The following PLEKHH1 variants were observed in gnomAD, a reference collection of about 807,000 sequenced individuals.
PLEKHH1 encodes the protein pleckstrin homology domain-containing family H member 1.
PLEKHH1 carries 104 observed loss-of-function variants against 160.0 expected under a neutral mutation model. The ratio of observed to expected loss-of-function variants is 0.65; its 90% confidence interval spans 0.55 to 0.76. The LOEUF (loss-of-function observed/expected upper bound fraction) is 0.76, where lower values mean the gene tolerates loss of function less well. PLEKHH1 is among the 30% of genes least tolerant of loss of function. PLEKHH1 has a pLI of 0.00. For synonymous variants in PLEKHH1, 619 were observed against 678.4 expected, an observed-to-expected ratio of 0.91 and a Z score of 1.36; for missense variants, 1,427 against 1,724.1, an observed-to-expected ratio of 0.83 and a Z score of 3.05.
chr14:67,582,329 T>G lies in PLEKHH1; in HGVS notation c.3426+119T>G. The G allele has an allele frequency of 1.3e-6, 2 of 1,539,108 alleles. No individual in the cohort carries two copies. Among genetic ancestry groups the G allele is most frequent in the Non-Finnish European group, 1.8e-6 (2 of 1,135,642 alleles). On this transcript the variant is annotated intron_variant, in intron 24 of 28. Transcript: ENST00000329153. The surrounding 1 kb of genome is among the most constrained non-coding windows in gnomAD (Gnocchi z 5.0). ...TGTGGTGCTCAGGAGAGGGCAGCTT[T>G]GCCATCTCTGGGATGGAAAGCAGCT...
At chr14:67,572,114 G>A in intron 10 of PLEKHH1, 21 bp from the exon 11 acceptor site, 1 of 1,599,800 alleles carries the variant, frequency 6.3e-7, no homozygotes, top group Non-Finnish European at 8.5e-7. Context: ...CCCGGGCCTT[G>A]ACTCCTCCTC....
intron 4 of PLEKHH1, among the ~76,000 whole-genome samples, chr14:67,559,275 C>G (rs942314342): frequency 3.9e-5 from 6 of 152,128 alleles, no homozygotes; most frequent in African/African-American, 7.2e-5. Context: ...TATAAAATGA[C>G]AAGTCACCTC....
chr14:67,559,736 G>A lies in PLEKHH1; in HGVS notation c.423+45G>A, dbSNP rs1370224955. The A allele has an allele frequency of 4.5e-6, 6 of 1,335,368 alleles. No individual in the cohort carries two copies. In the African/African-American group the frequency reaches 5.8e-5, roughly 13 times the overall value. The allele number at this position is 1,335,368 out of a possible 1,614,324, so 82.7% of individuals were successfully genotyped here. On this transcript the variant is annotated intron_variant, in intron 5 of 28. Coordinates refer to ENST00000329153, the MANE Select transcript of PLEKHH1 (RefSeq NM_020715.3). Reference sequence around the variant, plus strand: ...TGGAGGCCTGCCAGAGGCATGGCTGGGCCTGCCCTGACCCCCGGAGTTTCC... The same window carrying A: ...TGGAGGCCTGCCAGAGGCATGGCTGAGCCTGCCCTGACCCCCGGAGTTTCC...
rs751914598 is a variant in PLEKHH1 at position 67,587,335 on chromosome 14, G to A, written c.*100G>A. 65 of 1,300,022 alleles carry A rather than the reference G, an allele frequency of 5.0e-5. No individual in the cohort carries two copies. Among genetic ancestry groups the A allele is most frequent in the South Asian group, 3.5e-4 (29 of 84,000 alleles). 80.5% of individuals were successfully genotyped at this position (1,300,022 alleles called of 1,614,324 possible). A position where few individuals can be genotyped will look rare whatever the true frequency, so the allele number is the denominator to read the frequency against. ...TACTGTGACGGGTCTAACAGCCCCC[G>A]GCTACTCTTGTTCTGTGAAATGTGT... On this transcript the variant is annotated 3_prime_UTR_variant, in exon 29 of 29. Transcript: ENST00000329153.
intron 2 of PLEKHH1, among the ~76,000 whole-genome samples, chr14:67,548,889 A>T (rs907773870): frequency 6.6e-6 from 1 of 152,136 alleles, no homozygotes; most frequent in African/African-American, 2.4e-5. Flanking sequence ...ACCTACCAAA[A>T]ATTTGTAGTT....
intron 2 of PLEKHH1, among the ~76,000 whole-genome samples, chr14:67,543,934 G>C (rs1043538119): frequency 1.3e-5 from 2 of 152,150 alleles, no homozygotes; most frequent in African/African-American, 4.8e-5. Flanking sequence ...AACTCTGACA[G>C]CTGATTGAGG....
chr14:67,572,366 C>T, intron 11 of PLEKHH1, 89 bp downstream of exon 11: 2 of 1,173,080 alleles, frequency 1.7e-6, no homozygotes, highest in Admixed American at 2.5e-5. Context: ...GCAGTAGCTG[C>T]CTGAAGTGAG....
At position 67,574,167 on chromosome 14, in the gene PLEKHH1, G is replaced by T. The variant is rs2035514551; in HGVS notation, c.1927-75G>T. ...CAGCCCCTTGGGTTCAGGGACAGGTGCCACCTCGGAGCCAGGTCCTGGTTA... is the reference window on the plus strand; with the variant it reads ...CAGCCCCTTGGGTTCAGGGACAGGTTCCACCTCGGAGCCAGGTCCTGGTTA... On this transcript the variant is annotated intron_variant, in intron 13 of 28. Coordinates refer to ENST00000329153, the MANE Select transcript of PLEKHH1 (RefSeq NM_020715.3). The surrounding 1 kb of genome is among the most constrained non-coding windows in gnomAD (Gnocchi z 4.2). 3 of 1,362,500 alleles carry T rather than the reference G, an allele frequency of 2.2e-6. No individual in the cohort carries two copies. The African/African-American group carries it at 4.4e-5, about 20-fold the overall frequency. 84.4% of individuals were successfully genotyped at this position (1,362,500 alleles called of 1,614,324 possible). A position where few individuals can be genotyped will look rare whatever the true frequency, so the allele number is the denominator to read the frequency against.
At chr14:67,559,112 T>G (rs2034714995) in intron 4 of PLEKHH1, among the ~76,000 whole-genome samples, 1 of 152,202 alleles carries the variant, frequency 6.6e-6, no homozygotes. Context: ...GCCAGGCTGC[T>G]CCTCTTCAGA....
intron 2 of PLEKHH1, among the ~76,000 whole-genome samples, chr14:67,543,336 A>G (rs1049728276): frequency 1.3e-5 from 2 of 152,162 alleles, no homozygotes; most frequent in African/African-American, 4.8e-5. Context: ...GAACTCTTGA[A>G]CCTTGGGTCT....
At chr14:67,564,027 A>G (rs1327984359) in intron 7 of PLEKHH1, among the ~76,000 whole-genome samples, 1 of 151,432 alleles carries the variant, frequency 6.6e-6, no homozygotes, top group Non-Finnish European at 1.5e-5. Context: ...TCAGCCTCCC[A>G]AGTAGCTGGG....
In PLEKHH1 at chr14:67,571,834, G is replaced by A. The variant is rs201583089; in HGVS notation, c.1517G>A (p.Arg506Gln). 3.7e-6 allele frequency: 6 copies of A among 1,613,766 alleles called. No homozygotes were observed. The East Asian group carries it at 8.9e-5, about 24-fold the overall frequency. Residue 506 changes from arginine (R) to glutamine (Q), a missense_variant, in exon 10 of 29, where the codon CGA becomes CAA. By Grantham distance (43) the Arg-to-Gln change is conservative. Coordinates refer to ENST00000329153, the MANE Select transcript of PLEKHH1 (RefSeq NM_020715.3). ...GACTGCAGCTCTCAGGCGAGTTTCC[G>A]AATCTCGGTCCCCTCCTCTGAGTCC... The part of the protein sequence containing the change: ...DDDCSSQASF[R>Q]ISVPSSESRK...
At position 67,557,251 on chromosome 14, in the gene PLEKHH1, G is replaced by C. The variant is rs2034632668; in HGVS notation, c.190-18G>C. The C allele has an allele frequency of 6.2e-7, 1 of 1,609,818 alleles. No individual in the cohort carries two copies. The highest frequency in any genetic ancestry group is 2.2e-5 in the East Asian group (1 of 44,854). On this transcript the variant is annotated intron_variant, in intron 3 of 28. Coordinates refer to ENST00000329153, the MANE Select transcript of PLEKHH1 (RefSeq NM_020715.3). ...TGTGAGTGATGGGAAGACACTATGA[G>C]ATCATTGTACTTTTCAGGTGGGTGT... is the stretch of plus-strand genomic sequence containing the variant.
rs935458674 is a variant in PLEKHH1, at chr14:67,576,226, T to C, written c.2353-169T>C. Among the ~76,000 whole-genome samples, 2 of 152,242 alleles carry C rather than the reference T, an allele frequency of 1.3e-5. No individual in the cohort carries two copies. The highest frequency in any genetic ancestry group is 4.8e-5 in the African/African-American group (2 of 41,466). ...GTAATAGAATCGCAAATTTGGAAAG[T>C]TGGGTTCATGTTCACCTGATCCTCA... is the stretch of plus-strand genomic sequence containing the variant. On this transcript the variant is annotated intron_variant, in intron 16 of 28. Transcript: ENST00000329153. The surrounding 1 kb of genome is among the most constrained non-coding windows in gnomAD (Gnocchi z 4.0).
intron 2 of PLEKHH1, among the ~76,000 whole-genome samples, chr14:67,542,632 G>A (rs2034015989): frequency 6.6e-6 from 1 of 152,160 alleles, no homozygotes; most frequent in Non-Finnish European, 1.5e-5. Flanking sequence ...GCTGGTCTGG[G>A]AAACTGACCA....
chr14:67,581,554 C>A, intron 23 of PLEKHH1: 1 of 166,068 alleles, frequency 6.0e-6, no homozygotes, highest in Admixed American at 5.6e-5. Context: ...GAAAATAGAC[C>A]AACCTCATGG....
At chr14:67,549,514 G>A (rs780026547) in intron 2 of PLEKHH1, among the ~76,000 whole-genome samples, 5 of 152,022 alleles carry the variant, frequency 3.3e-5, no homozygotes, top group East Asian at 1.9e-4. Flanking sequence ...CAAGTGATCC[G>A]CCTGCCTCGG....
Position 67,576,336 on chromosome 14 carries a change from G to A in PLEKHH1, c.2353-59G>A. On this transcript the variant is annotated intron_variant, in intron 16 of 28. Transcript: ENST00000329153. This position sits in a 1 kb window ranked among gnomAD's most constrained non-coding sequence, Gnocchi z 4.0. Reference sequence around the variant, plus strand: ...GTCCCTTCAAGGAGTCCTCCTTGGAGCTCTTGCCTCCACTCTTCCCACCCC... The same window carrying A: ...GTCCCTTCAAGGAGTCCTCCTTGGAACTCTTGCCTCCACTCTTCCCACCCC... The A allele has an allele frequency of 1.0e-6, 1 of 967,280 alleles. No individual in the cohort carries two copies. Among genetic ancestry groups the A allele is most frequent in the South Asian group, 1.5e-5 (1 of 67,474 alleles). 59.9% of individuals were successfully genotyped at this position (967,280 alleles called of 1,614,324 possible).
rs1347964118 is a variant in PLEKHH1 at position 67,576,506 on chromosome 14, A to G, written c.2461+3A>G. The G allele has an allele frequency of 1.3e-6, 2 of 1,485,704 alleles. No individual in the cohort carries two copies. The highest frequency in any genetic ancestry group is 2.3e-5 in the East Asian group (1 of 44,250). 92.0% of individuals were successfully genotyped at this position (1,485,704 alleles called of 1,614,324 possible). Reference sequence around the variant, plus strand: ...GATGGATGGTGAAGGAGATCCAGGTAAGGCAAGGGTGGCCACCACTGCTTG... The same window carrying G: ...GATGGATGGTGAAGGAGATCCAGGTGAGGCAAGGGTGGCCACCACTGCTTG... On this transcript the variant is annotated splice_donor_region_variant and intron_variant, in intron 17 of 28. Transcript: ENST00000329153. The surrounding 1 kb of genome is among the most constrained non-coding windows in gnomAD (Gnocchi z 4.0).
Sources: allele counts gnomAD v4.1 joint callset (sites outside exome capture counted in the v4.1 genomes callset), GRCh38; gene constraint gnomAD v4.1.1; non-coding constraint Gnocchi (gnomAD v3.1); transcripts MANE v1.5; gene names NCBI Gene and HGNC (gene_info 2026-07-23, HGNC 2026-07-21).